The following SLC35E2B variants were observed in gnomAD, a reference collection of about 807,000 sequenced individuals.
The protein encoded by SLC35E2B is solute carrier family 35, member E2B.
Under a neutral mutation model 32.4 loss-of-function variants are expected in SLC35E2B, and 18 were observed. That is an observed-to-expected ratio of 0.56 (90% confidence interval 0.38 to 0.82). SLC35E2B has a LOEUF of 0.82. Among genes scored for constraint, SLC35E2B ranks in the 40% least tolerant of loss-of-function variants. The pLI, the probability that SLC35E2B is intolerant of heterozygous loss-of-function variation, is 0.00. For synonymous variants in SLC35E2B, 132 were observed against 209.1 expected (o/e 0.63, Z 3.18); for missense variants, 263 against 469.5 (o/e 0.56, Z 4.06).
At chr1:1,687,291 A>C (rs1439947908) in intron 2 of SLC35E2B, among the ~76,000 whole-genome samples, 2 of 152,032 alleles carry the variant, frequency 1.3e-5, no homozygotes, top group Non-Finnish European at 2.9e-5. Flanking sequence ...TTCTCCACTA[A>C]AGGGGCTGGG....
Position 1,675,448 on chromosome 1 carries a change from G to A in SLC35E2B, c.586+15C>T, listed in dbSNP as rs751101318. On this transcript the variant is annotated intron_variant, in intron 5 of 9. Coordinates refer to ENST00000617444, the MANE Select transcript of SLC35E2B (RefSeq NM_001290264.2). ...GGTGGGGCGCAGGCGGAGGGGCGGG[G>A]CCCGGGGGCCTCACCTGTGTACTCC... The A allele has an allele frequency of 4.3e-6, 7 of 1,612,284 alleles. No homozygotes were observed. In the African/African-American group the frequency reaches 6.7e-5, roughly 16 times the overall value.
In SLC35E2B at chr1:1,662,658, T is replaced by C. The variant is rs1397846902; in HGVS notation, c.*3124A>G. 120 of 710,830 alleles carry C rather than the reference T, an allele frequency of 1.7e-4. 7 individuals carry two copies. Among genetic ancestry groups the C allele is most frequent in the Non-Finnish European group, 2.0e-4 (116 of 576,656 alleles). 44.0% of individuals were successfully genotyped at this position (710,830 alleles called of 1,614,324 possible). On this transcript the variant is annotated 3_prime_UTR_variant, in exon 10 of 10. Coordinates refer to ENST00000617444, the MANE Select transcript of SLC35E2B (RefSeq NM_001290264.2). ...TATTTTAATGCTGTTATACAGGGAA[T>C]TGGGACTCTCGGATTTTCTTTTTTA...
intron 5 of SLC35E2B, chr1:1,674,113 AG>A (rs1643778813): frequency 5.7e-6 from 1 of 175,896 alleles, no homozygotes; most frequent in African/African-American, 2.4e-5. Flanking sequence ...TATTGCTTAG[AG>A]GAAAATTCTG....
At chr1:1,688,292 G>A (rs1230952127) in intron 2 of SLC35E2B, among the ~76,000 whole-genome samples, 1 of 152,118 alleles carries the variant, frequency 6.6e-6, no homozygotes, top group Non-Finnish European at 1.5e-5. Flanking sequence ...GAGTCACCAA[G>A]AGACTAAAAC....
chr1:1,689,982 G>C (rs1643999463), intron 2 of SLC35E2B, among the ~76,000 whole-genome samples: 1 of 125,972 alleles, frequency 7.9e-6, no homozygotes, highest in Non-Finnish European at 1.7e-5. Context: ...GTGAGACCCT[G>C]TCTCAAAAAA....
chr1:1,663,453 C>G lies in SLC35E2B; in HGVS notation c.*2329G>C. On this transcript the variant is annotated 3_prime_UTR_variant, in exon 10 of 10. Coordinates refer to ENST00000617444, the MANE Select transcript of SLC35E2B (RefSeq NM_001290264.2). ...GTCCTCACAAATCAACAACTCCCCG[C>G]CACCTCCAGGGCATTTTCTAATAGT... The G allele has an allele frequency of 3.2e-6, 3 of 946,566 alleles. No homozygotes were observed. The highest frequency in any genetic ancestry group is 3.8e-6 in the Non-Finnish European group (3 of 794,600). 58.6% of individuals were successfully genotyped at this position (946,566 alleles called of 1,614,324 possible).
intron 5 of SLC35E2B, among the ~76,000 whole-genome samples, chr1:1,673,813 A>G (rs1458366809): frequency 6.6e-6 from 1 of 151,674 alleles, no homozygotes; most frequent in Non-Finnish European, 1.5e-5. Flanking sequence ...AATACAAAAA[A>G]TTAGACGGAC....
intron 5 of SLC35E2B, chr1:1,674,134 A>C (rs967672480): frequency 5.7e-6 from 1 of 174,172 alleles, no homozygotes; most frequent in Non-Finnish European, 1.3e-5. Flanking sequence ...GCCTAAACCA[A>C]CTCAAAAAAG....
intron 2 of SLC35E2B, among the ~76,000 whole-genome samples, chr1:1,681,296 C>G (rs991053353): frequency 5.9e-5 from 9 of 151,816 alleles, no homozygotes; most frequent in African/African-American, 2.2e-4. Flanking sequence ...CTCCTGGGTT[C>G]ACACCATTCT....
At chr1:1,683,217 T>C (rs578039643) in intron 2 of SLC35E2B, among the ~76,000 whole-genome samples, 5 of 152,294 alleles carry the variant, frequency 3.3e-5, no homozygotes, top group Admixed American at 6.5e-5. Flanking sequence ...ACACTAGCTG[T>C]GTGTCCTCTG....
intron 2 of SLC35E2B, among the ~76,000 whole-genome samples, chr1:1,679,795 G>A (rs1643884592): frequency 6.9e-6 from 1 of 143,924 alleles, no homozygotes; most frequent in Non-Finnish European, 1.5e-5. Flanking sequence ...TCGCGCCATT[G>A]CACCCCAGCC....
chr1:1,689,043 G>A (rs1483522347), intron 2 of SLC35E2B, among the ~76,000 whole-genome samples: 3 of 151,918 alleles, frequency 2.0e-5, no homozygotes, highest in Non-Finnish European at 4.4e-5. Flanking sequence ...GTGGTGGTGG[G>A]TGCCAGTAGT....
chr1:1,692,595 G>T lies in SLC35E2B; in HGVS notation c.-712C>A. The stretch of plus-strand genomic sequence containing the variant: ...GGAGACAGCTCGGAGCTCGGCACTG[G>T]GGAGTGGCACAGCGCTGGCGGATCC... On this transcript the variant is annotated 5_prime_UTR_variant, in exon 1 of 10. Coordinates refer to ENST00000617444, the MANE Select transcript of SLC35E2B (RefSeq NM_001290264.2). The T allele has an allele frequency of 1.0e-6, 1 of 984,804 alleles. No individual in the cohort carries two copies. Among genetic ancestry groups the T allele is most frequent in the Non-Finnish European group, 1.2e-6 (1 of 829,574 alleles). The allele number at this position is 984,804 out of a possible 1,614,324, so 61.0% of individuals were successfully genotyped here. A position where few individuals can be genotyped will look rare whatever the true frequency, so the allele number is the denominator to read the frequency against.
intron 5 of SLC35E2B, chr1:1,673,968 G>GAA (rs143198348): frequency 1.8e-5 from 2 of 109,306 alleles, no homozygotes; most frequent in South Asian, 3.1e-4. Flanking sequence ...TCTCAAAAAA[G>GAA]AAAAAAAAAA....
rs192490863 is a variant in SLC35E2B at position 1,667,269 on chromosome 1, C to T, written c.980+1058G>A. 2.0e-3 allele frequency among the ~76,000 whole-genome samples: 306 copies of T among 151,920 alleles called. 4 individuals carry two copies. The East Asian group carries it at 0.042, about 21-fold the overall frequency. ...AAAAATACAAAAAAAAAAAATTAGCCGGGCGTGGTGGCAGTCGCCTGTAGT... is the reference window on the plus strand; with the variant it reads ...AAAAATACAAAAAAAAAAAATTAGCTGGGCGTGGTGGCAGTCGCCTGTAGT... On this transcript the variant is annotated intron_variant, in intron 9 of 9. Transcript: ENST00000617444.
chr1:1,681,502 C>T (rs1334179881), intron 2 of SLC35E2B, among the ~76,000 whole-genome samples: 2 of 151,530 alleles, frequency 1.3e-5, no homozygotes, highest in Non-Finnish European at 2.9e-5. Context: ...CCACCGCGCC[C>T]GGCCTCTTTT....
intron 5 of SLC35E2B, among the ~76,000 whole-genome samples, chr1:1,673,608 T>C (rs1159031035): frequency 6.6e-6 from 1 of 151,924 alleles, no homozygotes; most frequent in East Asian, 1.9e-4. Context: ...AGGCAGAGGC[T>C]GCAGTGAGCC....
At chr1:1,687,144 C>T (rs961629478) in intron 2 of SLC35E2B, among the ~76,000 whole-genome samples, 3 of 152,170 alleles carry the variant, frequency 2.0e-5, no homozygotes, top group Non-Finnish European at 2.9e-5. Flanking sequence ...CTGTCGGGCC[C>T]GAGCGCACAG....
At chr1:1,681,178 T>C (rs1454441303) in intron 2 of SLC35E2B, among the ~76,000 whole-genome samples, 1 of 152,018 alleles carries the variant, frequency 6.6e-6, no homozygotes, top group Non-Finnish European at 1.5e-5. Context: ...TGAAACTGTC[T>C]AGTGAGACCT....
Sources: allele counts gnomAD v4.1 joint callset (sites outside exome capture counted in the v4.1 genomes callset), GRCh38; gene constraint gnomAD v4.1.1; transcripts MANE v1.5; gene names NCBI Gene and HGNC (gene_info 2026-07-23, HGNC 2026-07-21).